Variants in SUMF1 observed in about 807,000 individuals in gnomAD.
The protein encoded by SUMF1 is sulfatase modifying factor 1.
SUMF1 carries 48 observed loss-of-function variants against 47.6 expected under a neutral mutation model. The ratio of observed to expected loss-of-function variants is 1.01; its 90% CI spans 0.80 to 1.28. The LOEUF is 1.28. Among genes scored for constraint, SUMF1 ranks in the 50% most tolerant of loss-of-function variants. The probability of loss-of-function intolerance (pLI) is 0.00; values close to 1 mark genes in which losing one functional copy is unlikely to be tolerated. For synonymous variants in SUMF1, 230 were observed against 192.1 expected, an observed-to-expected ratio of 1.20 and a Z score of -1.63; for missense variants, 571 against 485.4, an observed-to-expected ratio of 1.18 and a Z score of -1.66.
chr3:4,441,338 C>G (rs1019003191), intron 3 of SUMF1, among the ~76,000 whole-genome samples: 2 of 152,188 alleles, frequency 1.3e-5, no homozygotes, highest in Admixed American at 1.3e-4. Context: ...TGCAAGAAAA[C>G]AAGCTCTGGG....
intron 8 of SUMF1, among the ~76,000 whole-genome samples, chr3:4,103,569 T>G (rs979215505): frequency 6.6e-6 from 1 of 152,244 alleles, no homozygotes; most frequent in African/African-American, 2.4e-5. Context: ...GTATTTGTCA[T>G]TAGTGATTAG....
chr3:4,071,767 A>G (rs949358914), intron 8 of SUMF1, among the ~76,000 whole-genome samples: 1 of 152,226 alleles, frequency 6.6e-6, no homozygotes, highest in Admixed American at 6.5e-5. Flanking sequence ...TGGGAAGGGC[A>G]TATGTGAACA....
In SUMF1 at chr3:4,192,890, G is replaced by A. The variant is rs146051566; in HGVS notation, c.1015-124145C>T. On this transcript the variant is annotated intron_variant and NMD_transcript_variant, in intron 8 of 12. Transcript: ENST00000448413. ...GGTGGATAGATCAACGTGTCAAGAGGATGATGGGCCCTGCTTCCAAAAGGA... is the reference window on the plus strand; with the variant it reads ...GGTGGATAGATCAACGTGTCAAGAGAATGATGGGCCCTGCTTCCAAAAGGA... 1.5e-4 allele frequency among the ~76,000 whole-genome samples: 23 copies of A among 152,240 alleles called. No homozygotes were observed. The East Asian group carries it at 4.2e-3, about 28-fold the overall frequency.
chr3:4,232,965 G>T (rs932575784), intron 8 of SUMF1, among the ~76,000 whole-genome samples: 4 of 152,062 alleles, frequency 2.6e-5, no homozygotes, highest in African/African-American at 7.2e-5. Flanking sequence ...GAATCCACGG[G>T]TCTCACCAGG....
chr3:4,119,275 C>T (rs963021798), intron 8 of SUMF1, among the ~76,000 whole-genome samples: 12 of 152,156 alleles, frequency 7.9e-5, no homozygotes, highest in African/African-American at 2.9e-4. Flanking sequence ...CCATCCTCTG[C>T]ATTACTGCCT....
chr3:4,119,696 CCACACACACATACACAAACACACA>C (rs1207157315), intron 8 of SUMF1, among the ~76,000 whole-genome samples: 2 of 150,428 alleles, frequency 1.3e-5, no homozygotes, highest in Non-Finnish European at 2.9e-5. Flanking sequence ...TAGCAAGAGG[CCACACACACATACACAAACACACA>C]CACACACACA....
At chr3:4,195,914 C>T (rs2587930) in intron 8 of SUMF1, among the ~76,000 whole-genome samples, 1 of 151,762 alleles carries the variant, frequency 6.6e-6, no homozygotes, top group Non-Finnish European at 1.5e-5. Flanking sequence ...GTCATCAACT[C>T]TGAATTGCAC....
At chr3:4,085,726 T>C (rs1692657254) in intron 8 of SUMF1, among the ~76,000 whole-genome samples, 1 of 152,150 alleles carries the variant, frequency 6.6e-6, no homozygotes, top group Admixed American at 6.6e-5. Context: ...TTTTTTGTTC[T>C]ACTTTGTCCT....
In SUMF1 at chr3:4,467,055, G is replaced by C. The variant is rs1421066733; in HGVS notation, c.191C>G (p.Ser64Trp). The change falls in exon 1 of 9, where the codon TCG becomes TGG. Residue 64 changes from serine to tryptophan, a missense_variant. Physicochemically the swap from Ser to Trp is radical, Grantham distance 177 (BLOSUM62 -3). Transcript: ENST00000272902. ...CCGCGAGTATCGGTGAGCGGCTGCC[G>C]AACTGCCATGGGCGCCAGGCCGCTG... ...TPQRPGAHGS[S>W]AAAHRYSREA... 2.5e-6 allele frequency: 4 copies of C among 1,568,854 alleles called. No individual in the cohort carries two copies. The South Asian group carries it at 4.6e-5, about 18-fold the overall frequency.
At chr3:4,193,788 C>A (rs553759701) in intron 8 of SUMF1, among the ~76,000 whole-genome samples, 2 of 152,082 alleles carry the variant, frequency 1.3e-5, no homozygotes, top group African/African-American at 4.8e-5. Context: ...TGGGTGACCA[C>A]AGGCAAGTCT....
chr3:4,137,679 A>C (rs1693972679), intron 8 of SUMF1, among the ~76,000 whole-genome samples: 1 of 152,104 alleles, frequency 6.6e-6, no homozygotes, highest in African/African-American at 2.4e-5. Context: ...GATAAAGGGA[A>C]TCTACAAAAA....
chr3:4,363,344 T>C (rs552384273), intron 8 of SUMF1, among the ~76,000 whole-genome samples: 3 of 152,182 alleles, frequency 2.0e-5, no homozygotes, highest in African/African-American at 7.2e-5. Flanking sequence ...TGGGACAACA[T>C]TGCTTTTTAA....
intron 9 of SUMF1, among the ~76,000 whole-genome samples, chr3:4,049,848 G>C (rs1387035810): frequency 6.6e-6 from 1 of 152,116 alleles, no homozygotes; most frequent in Admixed American, 6.6e-5. Context: ...CTTGAAGGAT[G>C]AATGTGGGGG....
chr3:4,152,905 C>T (rs767784713), intron 8 of SUMF1, among the ~76,000 whole-genome samples: 14 of 151,512 alleles, frequency 9.2e-5, no homozygotes, highest in Non-Finnish European at 1.8e-4. Context: ...CCTTATACAT[C>T]CCTAGTCTCT....
intron 8 of SUMF1, among the ~76,000 whole-genome samples, chr3:4,205,894 G>C (rs940098309): frequency 2.0e-5 from 3 of 152,014 alleles, no homozygotes; most frequent in Admixed American, 1.3e-4. Flanking sequence ...CATGGTACTG[G>C]GTTCTGCCCA....
rs150373609 is a variant in SUMF1 at position 4,211,121 on chromosome 3, T to TATATATATATATAC, written c.1015-142377_1015-142376insGTATATATATATAT. ...AAACTCCCATATATATATATATATATACACACACACACACATATATACATA... is the reference window on the plus strand; with the variant it reads ...AAACTCCCATATATATATATATATATATATATATATATACACACACACACACACATATATACATA... On this transcript the variant is annotated intron_variant and NMD_transcript_variant, in intron 8 of 12. Coordinates refer to the SUMF1 transcript ENST00000448413. Among the ~76,000 whole-genome samples, 104 of 128,302 alleles carry TATATATATATATAC rather than the reference T, an allele frequency of 8.1e-4. 1 individual carries two copies. Among genetic ancestry groups the TATATATATATATAC allele is most frequent in the Middle Eastern group, 4.2e-3 (1 of 240 alleles). The allele number at this position is 128,302 out of a possible 152,430, so 84.2% of individuals were successfully genotyped here.
At chr3:4,190,483 A>T (rs1266757205) in intron 8 of SUMF1, among the ~76,000 whole-genome samples, 1 of 145,010 alleles carries the variant, frequency 6.9e-6, no homozygotes, top group Non-Finnish European at 1.5e-5. Flanking sequence ...AATAAGAAGT[A>T]TCTTTGGCAA....
At chr3:4,124,147 CT>C (rs1466730676) in intron 8 of SUMF1, among the ~76,000 whole-genome samples, 4 of 152,088 alleles carry the variant, frequency 2.6e-5, no homozygotes, top group African/African-American at 9.7e-5. Flanking sequence ...AAATAAAAAT[CT>C]CATTTATAAG....
Position 4,365,213 on chromosome 3 carries a change from C to T in SUMF1, c.1015-2959G>A, listed in dbSNP as rs1410615687. Among the ~76,000 whole-genome samples the T allele has an allele frequency of 4.1e-5, 5 of 121,850 alleles. No individual in the cohort carries two copies. The South Asian group carries it at 7.3e-4, about 18-fold the overall frequency. The allele number at this position is 121,850 out of a possible 152,430, so 79.9% of individuals were successfully genotyped here. ...TTCTGTTGATTTGGGGTGGAGAGTT[C>T]TGTAGATGTCTATTAGGTCTGCTTG... On this transcript the variant is annotated intron_variant, in intron 8 of 8. Transcript: ENST00000272902.
Sources: allele counts gnomAD v4.1 joint callset (sites outside exome capture counted in the v4.1 genomes callset), GRCh38; gene constraint gnomAD v4.1.1; transcripts MANE v1.5; gene names NCBI Gene and HGNC (gene_info 2026-07-23, HGNC 2026-07-21).